MYLK: variants seen among roughly 807,000 people sequenced by gnomAD.
MYLK encodes the protein myosin light chain kinase, also known as myosin light chain kinase, smooth muscle.
In MYLK, 106 loss-of-function variants were observed where a neutral mutation model predicts 203.4. That is an observed-to-expected ratio of 0.52 (90% confidence interval 0.45 to 0.61). The LOEUF (loss-of-function observed/expected upper bound fraction) is 0.61, where lower values mean the gene tolerates loss of function less well. Among genes scored for constraint, MYLK ranks in the 20% least tolerant of loss-of-function variants. The pLI, the probability that MYLK is intolerant of heterozygous loss-of-function variation, is 0.00. For synonymous variants in MYLK, 867 were observed against 959.5 expected, an observed-to-expected ratio of 0.90 and a Z score of 1.78; for missense variants, 2,072 against 2,442.3, an observed-to-expected ratio of 0.85 and a Z score of 3.20.
chr3:123,785,369 A>C (rs984934518), intron 4 of MYLK, among the ~76,000 whole-genome samples: 1 of 152,174 alleles, frequency 6.6e-6, no homozygotes, highest in African/African-American at 2.4e-5. Flanking sequence ...GCCACTTCTC[A>C]TACTGCTGCT....
At chr3:123,710,391 C>T (rs973335284) in intron 13 of MYLK, among the ~76,000 whole-genome samples, 1 of 152,174 alleles carries the variant, frequency 6.6e-6, no homozygotes, top group African/African-American at 2.4e-5. Context: ...GCACGTTACA[C>T]AAAATGCTTG....
At chr3:123,671,679 A>C (rs1023662097) in intron 20 of MYLK, among the ~76,000 whole-genome samples, 3 of 152,212 alleles carry the variant, frequency 2.0e-5, no homozygotes, top group Non-Finnish European at 4.4e-5. Flanking sequence ...AAGCAAGGAA[A>C]CAAGAGGGAA....
chr3:123,707,557 A>G (rs1182632699), intron 16 of MYLK, among the ~76,000 whole-genome samples, 197 bp downstream of exon 16: 1 of 152,220 alleles, frequency 6.6e-6, no homozygotes, highest in Non-Finnish European at 1.5e-5. Context: ...CTCAAAAGGG[A>G]AAGTTCTAAT....
At chr3:123,833,568 T>G (rs960979796) in intron 2 of MYLK, among the ~76,000 whole-genome samples, 2 of 152,240 alleles carry the variant, frequency 1.3e-5, no homozygotes, top group African/African-American at 4.8e-5. Context: ...GTCATTTCCA[T>G]TCTTTTGCCC....
chr3:123,653,957 GCC>G (rs1454753279), intron 24 of MYLK, among the ~76,000 whole-genome samples: 1 of 150,644 alleles, frequency 6.6e-6, no homozygotes, highest in Non-Finnish European at 1.5e-5. Flanking sequence ...ACTCTATGCA[GCC>G]CCCACTCTGC....
At chr3:123,796,545 G>T (rs2064994032) in intron 3 of MYLK, among the ~76,000 whole-genome samples, 3 of 152,158 alleles carry the variant, frequency 2.0e-5, no homozygotes, top group African/African-American at 7.2e-5. Context: ...TGATAACCTG[G>T]AATAAAATGT....
chr3:123,873,963 T>TA (rs1376857937), intron 2 of MYLK, among the ~76,000 whole-genome samples: 1 of 152,036 alleles, frequency 6.6e-6, no homozygotes, highest in Non-Finnish European at 1.5e-5. Flanking sequence ...TCAATATGTA[T>TA]ATGCCAAAAA....
chr3:123,653,930 G>GC (rs1318235700), intron 24 of MYLK, among the ~76,000 whole-genome samples: 2 of 151,604 alleles, frequency 1.3e-5, no homozygotes, highest in African/African-American at 2.4e-5. Flanking sequence ...GAACTTGATT[G>GC]CCCCCCTGGG....
intron 13 of MYLK, among the ~76,000 whole-genome samples, chr3:123,721,351 G>A (rs1461003486): frequency 1.3e-5 from 2 of 152,148 alleles, no homozygotes; most frequent in Admixed American, 6.5e-5. Flanking sequence ...CATAGGCTCA[G>A]GGTGATGGTG....
At chr3:123,883,211 G>A (rs2033652425) in intron 1 of MYLK, among the ~76,000 whole-genome samples, 1 of 152,158 alleles carries the variant, frequency 6.6e-6, no homozygotes, top group African/African-American at 2.4e-5. Flanking sequence ...CTGTGGGGTG[G>A]GCGGGTCATT....
chr3:123,710,686 A>T (rs1393860830), intron 13 of MYLK, among the ~76,000 whole-genome samples: 1 of 152,216 alleles, frequency 6.6e-6, no homozygotes, highest in Non-Finnish European at 1.5e-5. Flanking sequence ...AGTTAAACAT[A>T]TACTTCCCTT....
chr3:123,862,076 C>T (rs1177711353), intron 2 of MYLK, among the ~76,000 whole-genome samples: 1 of 152,252 alleles, frequency 6.6e-6, no homozygotes, highest in Non-Finnish European at 1.5e-5. Context: ...AGTGCCCTTC[C>T]TAAGGAAGGC....
chr3:123,788,375 TTGA>T (rs1227356601), intron 4 of MYLK, among the ~76,000 whole-genome samples: 1 of 152,136 alleles, frequency 6.6e-6, no homozygotes, highest in Non-Finnish European at 1.5e-5. Flanking sequence ...CTTTTTTTTT[TTGA>T]TTTGTTATTT....
intron 3 of MYLK, among the ~76,000 whole-genome samples, chr3:123,809,539 A>G (rs187410280): frequency 1.3e-4 from 20 of 152,206 alleles, no homozygotes; most frequent in African/African-American, 4.8e-4. Flanking sequence ...AAACAAAAAC[A>G]AACAAACAAA....
chr3:123,656,107 T>A (rs1348384915), intron 24 of MYLK, among the ~76,000 whole-genome samples: 1 of 152,204 alleles, frequency 6.6e-6, no homozygotes, highest in Non-Finnish European at 1.5e-5. Context: ...CCATCTGATA[T>A]GGCTGACTGC....
At chr3:123,771,407 C>T (rs992590831) in intron 4 of MYLK, among the ~76,000 whole-genome samples, 3 of 152,080 alleles carry the variant, frequency 2.0e-5, no homozygotes, top group African/African-American at 7.2e-5. Context: ...TTTGAATGGC[C>T]TAGTAGGGTT....
rs559255820 is a variant in MYLK at position 123,830,640 on chromosome 3, T to C, written c.-4+908A>G. Among the ~76,000 whole-genome samples, 7 of 152,224 alleles carry C rather than the reference T, an allele frequency of 4.6e-5. No homozygotes were observed. In the East Asian group the frequency reaches 9.7e-4, roughly 21 times the overall value. On this transcript the variant is annotated intron_variant, in intron 3 of 33. Coordinates refer to ENST00000360304, the MANE Select transcript of MYLK (RefSeq NM_053025.4). ...CCCACCAACCTTCTCACTTTCTTTG[T>C]TTCACTGGTATTGGTTTTGGCCCTG...
Position 123,627,085 on chromosome 3 carries a change from G to T in MYLK, c.5115-144C>A, listed in dbSNP as rs545188422. The T allele has an allele frequency of 3.1e-5, 28 of 904,200 alleles. No individual in the cohort carries two copies. In the African/African-American group the frequency reaches 3.6e-4, roughly 12 times the overall value. 56.0% of individuals were successfully genotyped at this position (904,200 alleles called of 1,614,324 possible). A position where few individuals can be genotyped will look rare whatever the true frequency, so the allele number is the denominator to read the frequency against. On this transcript the variant is annotated intron_variant, in intron 30 of 33. Coordinates refer to ENST00000360304, the MANE Select transcript of MYLK (RefSeq NM_053025.4). ...CTCCCGGACCATCCACCGTGATCAG[G>T]ATCACTGTGCTCTTCACCTTTCTCC... is the stretch of plus-strand genomic sequence containing the variant.
intron 3 of MYLK, among the ~76,000 whole-genome samples, chr3:123,817,477 G>T (rs1424832764): frequency 2.0e-5 from 3 of 152,176 alleles, no homozygotes; most frequent in African/African-American, 7.2e-5. Flanking sequence ...GATCTGCTCA[G>T]CCCAGGCCTA....
Sources: gnomAD v4.1 joint callset for allele counts (sites outside exome capture counted in the v4.1 genomes callset) on GRCh38, gnomAD v4.1.1 for gene constraint, MANE v1.5 for transcripts, NCBI Gene and HGNC (gene_info 2026-07-23, HGNC 2026-07-21) for gene names.